Variants in PHACTR1 observed in about 807,000 individuals in gnomAD.
PHACTR1 encodes the protein phosphatase and actin regulator 1, also known as RPEL repeat containing 1.
PHACTR1 carries 16 observed loss-of-function variants against 69.2 expected under a neutral mutation model. The ratio of observed to expected loss-of-function variants is 0.23; its 90% CI spans 0.16 to 0.35. PHACTR1 has a LOEUF of 0.35. Among genes scored for constraint, PHACTR1 ranks in the 10% least tolerant of loss-of-function variants. PHACTR1 has a pLI of 1.00. For missense variants in PHACTR1, 510 were observed against 734.7 expected, an observed-to-expected ratio of 0.69 and a Z score of 3.54; for synonymous variants, 312 against 284.5, an observed-to-expected ratio of 1.10 and a Z score of -0.97.
At chr6:13,254,636 C>T (rs900578464) in intron 10 of PHACTR1, among the ~76,000 whole-genome samples, 4 of 151,972 alleles carry the variant, frequency 2.6e-5, no homozygotes, top group African/African-American at 9.7e-5. Context: ...ACAGATGGCT[C>T]CTAATTATGA....
intron 3 of PHACTR1, among the ~76,000 whole-genome samples, chr6:12,723,488 CTTTTTTTTT>C (rs1180252640): frequency 7.8e-6 from 1 of 128,162 alleles, no homozygotes; most frequent in Non-Finnish European, 1.6e-5. Flanking sequence ...TTGGCCTTTT[CTTTTTTTTT>C]TTTTTTTTGA....
intron 3 of PHACTR1, among the ~76,000 whole-genome samples, chr6:12,739,369 T>C (rs1764734147): frequency 6.6e-6 from 1 of 152,198 alleles, no homozygotes; most frequent in African/African-American, 2.4e-5. Flanking sequence ...AATAAAATGC[T>C]GATATGTATA....
chr6:12,953,305 A>G (rs6901758), intron 4 of PHACTR1, among the ~76,000 whole-genome samples: 7,229 of 152,288 alleles, frequency 0.047, 593 homozygotes, highest in African/African-American at 0.17. Context: ...CCTGGGCAAC[A>G]GAGCCAGACT....
chr6:13,185,134 G>A, intron 7 of PHACTR1: 1 of 640,338 alleles, frequency 1.6e-6, no homozygotes, highest in Non-Finnish European at 2.3e-6. Flanking sequence ...ATGTTTGGGT[G>A]TTTCTGTGTG....
At chr6:12,760,926 T>TC (rs1767956674) in intron 4 of PHACTR1, among the ~76,000 whole-genome samples, 1 of 152,108 alleles carries the variant, frequency 6.6e-6, no homozygotes, top group African/African-American at 2.4e-5. Context: ...AGAGTGAAAC[T>TC]CCATCTCAAA....
At chr6:13,005,065 C>T (rs1030245867) in intron 4 of PHACTR1, among the ~76,000 whole-genome samples, 1 of 151,826 alleles carries the variant, frequency 6.6e-6, no homozygotes, top group Non-Finnish European at 1.5e-5. Flanking sequence ...TTCTCAGATA[C>T]ACCAGAAGCT....
chr6:12,889,669 G>A (rs1222058895), intron 4 of PHACTR1, among the ~76,000 whole-genome samples: 1 of 152,090 alleles, frequency 6.6e-6, no homozygotes, highest in Non-Finnish European at 1.5e-5. Context: ...AACAAATGAT[G>A]TAACTGAAAG....
intron 3 of PHACTR1, among the ~76,000 whole-genome samples, chr6:12,726,595 CT>C (rs1762826317): frequency 6.6e-6 from 1 of 152,200 alleles, no homozygotes; most frequent in African/African-American, 2.4e-5. Flanking sequence ...CACTGGAAGC[CT>C]GGCCATGGTG....
At chr6:13,033,364 C>A (rs887601299) in intron 4 of PHACTR1, among the ~76,000 whole-genome samples, 4 of 152,262 alleles carry the variant, frequency 2.6e-5, no homozygotes, top group Non-Finnish European at 2.9e-5. Flanking sequence ...TTTCACTGTG[C>A]AATGACTGCA....
chr6:12,820,174 T>TTTG (rs1216028034), intron 4 of PHACTR1, among the ~76,000 whole-genome samples: 1 of 152,136 alleles, frequency 6.6e-6, no homozygotes, highest in Non-Finnish European at 1.5e-5. Context: ...AACAAGTTTT[T>TTTG]TTGTTGTTGT....
chr6:13,017,734 G>A (rs895644724), intron 4 of PHACTR1, among the ~76,000 whole-genome samples: 2 of 151,512 alleles, frequency 1.3e-5, no homozygotes, highest in African/African-American at 2.4e-5. Context: ...AATAATTTTA[G>A]GAATTATAAT....
rs567848997 is a variant in PHACTR1, at chr6:12,972,203, C to A, written c.251-81162C>A. The stretch of plus-strand genomic sequence containing the variant: ...CAGAGAGGTAAATAGCCCAGAGGCA[C>A]GCAGACCAGACGGGAAGTGGCAGAA... On this transcript the variant is annotated intron_variant, in intron 4 of 14. Transcript: ENST00000332995. Among the ~76,000 whole-genome samples, 4 of 152,224 alleles carry A rather than the reference C, an allele frequency of 2.6e-5. No homozygotes were observed. The South Asian group carries it at 8.3e-4, about 32-fold the overall frequency.
chr6:12,817,765 G>A (rs987099024), intron 4 of PHACTR1, among the ~76,000 whole-genome samples: 1 of 151,944 alleles, frequency 6.6e-6, no homozygotes, highest in Admixed American at 6.6e-5. Context: ...CTATTAGTAA[G>A]GTAAACTATA....
Position 13,283,612 on chromosome 6 carries a change from T to C in PHACTR1, c.1650+50T>C. On this transcript the variant is annotated intron_variant, in intron 13 of 14. Coordinates refer to ENST00000332995, the MANE Select transcript of PHACTR1 (RefSeq NM_030948.6). The surrounding 1 kb of genome is among the most constrained non-coding windows in gnomAD (Gnocchi z 4.7). ...GTGGGAGGCAGGACCGTCTGCTGGG[T>C]CTCGCTGGGCTCACCGCTGGGGAGC... The C allele has an allele frequency of 1.2e-6, 2 of 1,612,836 alleles. No individual in the cohort carries two copies. Among genetic ancestry groups the C allele is most frequent in the Non-Finnish European group, 1.7e-6 (2 of 1,179,754 alleles).
At position 12,869,617 on chromosome 6, in the gene PHACTR1, GTCC is replaced by G. The variant is rs1301312993; in HGVS notation, c.250+119835_250+119837del. Among the ~76,000 whole-genome samples the G allele has an allele frequency of 3.3e-5, 5 of 152,138 alleles. No individual in the cohort carries two copies. In the East Asian group the frequency reaches 9.6e-4, roughly 29 times the overall value. ...GGGCTCTTCACTGCATTGCAAACCAGTCCTCCTCCTTCCTGCTGACCATAGTGC... is the reference window on the plus strand; with the variant it reads ...GGGCTCTTCACTGCATTGCAAACCAGTCCTCCTTCCTGCTGACCATAGTGC... On this transcript the variant is annotated intron_variant, in intron 4 of 14. Coordinates refer to ENST00000332995, the MANE Select transcript of PHACTR1 (RefSeq NM_030948.6).
At chr6:13,177,303 G>T (rs1318332009) in intron 6 of PHACTR1, among the ~76,000 whole-genome samples, 1 of 151,640 alleles carries the variant, frequency 6.6e-6, no homozygotes, top group Non-Finnish European at 1.5e-5. Flanking sequence ...TCCAGCCTGG[G>T]TGATGGAGCA....
intron 8 of PHACTR1, among the ~76,000 whole-genome samples, chr6:13,213,245 A>G (rs953363815): frequency 3.9e-5 from 6 of 152,250 alleles, no homozygotes; most frequent in African/African-American, 1.4e-4. Context: ...AAGCAGTATT[A>G]GTGGTCTTTA....
intron 4 of PHACTR1, among the ~76,000 whole-genome samples, chr6:13,049,716 A>T (rs1345552018): frequency 6.6e-6 from 1 of 152,212 alleles, no homozygotes; most frequent in Non-Finnish European, 1.5e-5. Flanking sequence ...TCAGGTTGAG[A>T]GTAATAAGTC....
intron 5 of PHACTR1, among the ~76,000 whole-genome samples, chr6:13,096,050 C>T (rs903870005): frequency 1.2e-4 from 18 of 151,884 alleles, no homozygotes; most frequent in African/African-American, 4.4e-4. Context: ...CTTTGAGCTC[C>T]CTGTTTTTTT....
Sources: allele counts gnomAD v4.1 joint callset (sites outside exome capture counted in the v4.1 genomes callset), GRCh38; gene constraint gnomAD v4.1.1; non-coding constraint Gnocchi (gnomAD v3.1); transcripts MANE v1.5; gene names NCBI Gene and HGNC (gene_info 2026-07-23, HGNC 2026-07-21).